The following DZANK1 variants were observed in gnomAD, a reference collection of about 807,000 sequenced individuals.
DZANK1 encodes the protein double zinc ribbon and ankyrin repeat domains 1, also known as double zinc ribbon and ankyrin repeat-containing protein 1.
DZANK1 carries 91 observed loss-of-function variants against 94.5 expected under a neutral mutation model. That is an observed-to-expected ratio of 0.96 (90% CI 0.81 to 1.15). The LOEUF (loss-of-function observed/expected upper bound fraction) is 1.15, where lower values mean the gene tolerates loss of function less well. DZANK1 is among the 50% of genes most tolerant of loss of function. DZANK1 has a pLI of 0.00. For synonymous variants in DZANK1, 312 were observed against 325.3 expected, an observed-to-expected ratio of 0.96 and a Z score of 0.44; for missense variants, 903 against 916.4, an observed-to-expected ratio of 0.99 and a Z score of 0.19.
In DZANK1 at chr20:18,452,747, G is replaced by T. The variant is rs768785389; in HGVS notation, c.476-65C>A. 1.3e-6 allele frequency: 2 copies of T among 1,552,182 alleles called. No individual in the cohort carries two copies. Among genetic ancestry groups the T allele is most frequent in the East Asian group, 2.4e-5 (1 of 42,172 alleles). On this transcript the variant is annotated intron_variant, in intron 5 of 20. Transcript: ENST00000262547. ...TTTCACCTACCTGGACGTCTACAAT[G>T]ATATTAAAAACATTATTCTTTGAGC...
intron 2 of DZANK1, among the ~76,000 whole-genome samples, 199 bp from the exon 3 acceptor site, chr20:18,460,505 G>A (rs1296403510): frequency 2.6e-5 from 4 of 152,138 alleles, no homozygotes; most frequent in Non-Finnish European, 2.9e-5. Context: ...CGAGGCGGGC[G>A]GATCACGAGG....
chr20:18,390,431 ACTTC>A lies in DZANK1; in HGVS notation c.1834_1837del (p.Glu612SerfsTer11). 1 of 1,613,924 alleles carries A rather than the reference ACTTC, an allele frequency of 6.2e-7. No homozygotes were observed. Among genetic ancestry groups the A allele is most frequent in the Non-Finnish European group, 8.5e-7 (1 of 1,179,822 alleles). On this transcript the variant is annotated frameshift_variant, in exon 18 of 21. Coordinates refer to ENST00000262547, the Ensembl canonical transcript of DZANK1. LOFTEE classifies it high-confidence loss of function. ...GACTCTTCCTTCCCCCGTGGGTCCG[ACTTC>A]CTTCAGCAGGAGTCTGTTTTCAGGC...
At position 18,449,063 on chromosome 20, in the gene DZANK1, CG is replaced by C. The variant is rs773000773; in HGVS notation, c.549del (p.Gly184ValfsTer5). ...TTCTGACCGCTTACGTGTGCAAAAC[CG>C]GGGGACTAAAATTAAGAATATAGGT... On this transcript the variant is annotated frameshift_variant, in exon 7 of 21. Transcript: ENST00000262547. LOFTEE classifies it high-confidence loss of function. The C allele has an allele frequency of 1.2e-6, 2 of 1,613,450 alleles. No individual in the cohort carries two copies. Among genetic ancestry groups the C allele is most frequent in the Non-Finnish European group, 8.5e-7 (1 of 1,179,694 alleles).
exon 21 of DZANK1, chr20:18,383,586 A>T (rs2048312443): frequency 6.6e-6 from 1 of 152,214 alleles, no homozygotes; most frequent in Admixed American, 6.5e-5. Flanking sequence ...GAGGGGAAAG[A>T]ATATATATGT....
intron 19 of DZANK1, among the ~76,000 whole-genome samples, chr20:18,386,819 A>G (rs568964850): frequency 6.6e-6 from 1 of 152,334 alleles, no homozygotes; most frequent in African/African-American, 2.4e-5. Flanking sequence ...GGTGAATCAA[A>G]AACAGCACAT....
intron 5 of DZANK1, among the ~76,000 whole-genome samples, 198 bp from the exon 6 acceptor site, chr20:18,452,937 G>A (rs1240019474): frequency 6.6e-6 from 1 of 152,166 alleles, no homozygotes; most frequent in African/African-American, 2.4e-5. Flanking sequence ...AGCCCAGACT[G>A]AGAAGATCAT....
rs75898058 is a variant in DZANK1 at position 18,410,904 on chromosome 20, T to C, written c.1432+1742A>G. 7.3e-3 allele frequency among the ~76,000 whole-genome samples: 1,115 copies of C among 152,304 alleles called. 15 individuals carry two copies. The highest frequency in any genetic ancestry group is 0.026 in the African/African-American group (1,078 of 41,550). On this transcript the variant is annotated intron_variant, in intron 13 of 20. Transcript: ENST00000262547. ...AGGTCAAGGCTGCAGTGTGCCATGA[T>C]TGTGCCACCGCACTCCAGCCTGGGT...
At chr20:18,384,384 G>T in exon 21 of DZANK1, 2 of 1,603,296 alleles carry the variant, frequency 1.2e-6, no homozygotes, top group Non-Finnish European at 1.7e-6. Context: ...ATGAAGTCCC[G>T]TGGAGGCCTC....
chr20:18,431,837 T>C (rs896797031), intron 9 of DZANK1, among the ~76,000 whole-genome samples: 3 of 152,196 alleles, frequency 2.0e-5, no homozygotes, highest in African/African-American at 7.2e-5. Context: ...ACCAAACTCC[T>C]TGCAAAGTTT....
chr20:18,428,150 CA>C (rs771686647), intron 9 of DZANK1, among the ~76,000 whole-genome samples: 181 of 103,344 alleles, frequency 1.8e-3, no homozygotes, highest in East Asian at 2.9e-3. Context: ...GACTCCGTCT[CA>C]AAAAAAAAAA....
At chr20:18,462,028 TTTTC>T (rs1347398303) in intron 2 of DZANK1, among the ~76,000 whole-genome samples, 1 of 152,100 alleles carries the variant, frequency 6.6e-6, no homozygotes, top group African/African-American at 2.4e-5. Flanking sequence ...TGTTATCCAT[TTTTC>T]TTTTAGTTTT....
At chr20:18,440,678 G>T (rs145082380) in intron 8 of DZANK1, among the ~76,000 whole-genome samples, 42 of 152,242 alleles carry the variant, frequency 2.8e-4, no homozygotes, top group African/African-American at 9.4e-4. Flanking sequence ...CCCAGGTGAG[G>T]TTATCACAAA....
intron 19 of DZANK1, among the ~76,000 whole-genome samples, chr20:18,386,479 G>A (rs2148121107): frequency 6.6e-6 from 1 of 152,210 alleles, no homozygotes; most frequent in East Asian, 1.9e-4. Flanking sequence ...AATGAGTCAA[G>A]ATAATATTGC....
chr20:18,426,357 G>T (rs528077984), intron 10 of DZANK1, among the ~76,000 whole-genome samples: 1 of 152,240 alleles, frequency 6.6e-6, no homozygotes, highest in African/African-American at 2.4e-5. Context: ...TGCCAAAAAG[G>T]TTGGGGACCG....
intron 7 of DZANK1, among the ~76,000 whole-genome samples, chr20:18,445,313 A>G (rs1352788931): frequency 2.0e-5 from 3 of 152,240 alleles, no homozygotes; most frequent in Non-Finnish European, 4.4e-5. Context: ...TATGTACTTA[A>G]TAGCAGAGTA....
At chr20:18,391,132 A>G (rs1411823492) in intron 17 of DZANK1, among the ~76,000 whole-genome samples, 1 of 152,224 alleles carries the variant, frequency 6.6e-6, no homozygotes, top group Non-Finnish European at 1.5e-5. Flanking sequence ...CAGAGGTTGC[A>G]GTGAGCGGAG....
chr20:18,421,706 C>T (rs927802438), intron 10 of DZANK1, among the ~76,000 whole-genome samples: 1 of 152,290 alleles, frequency 6.6e-6, no homozygotes, highest in Admixed American at 6.5e-5. Flanking sequence ...ATGTACTAGG[C>T]ATCCAGGAAT....
intron 1 of DZANK1, among the ~76,000 whole-genome samples, chr20:18,466,111 G>C (rs2059640722): frequency 6.6e-6 from 1 of 152,112 alleles, no homozygotes; most frequent in South Asian, 2.1e-4. Context: ...TGCACAGAAG[G>C]TTTCAGGGGG....
rs751697961 is a variant in DZANK1 at position 18,389,684 on chromosome 20, C to T, written c.2018+17G>A. 1.2e-6 allele frequency: 2 copies of T among 1,613,124 alleles called. No individual in the cohort carries two copies. Among genetic ancestry groups the T allele is most frequent in the African/African-American group, 1.3e-5 (1 of 74,910 alleles). Reference sequence around the variant, plus strand: ...CCTGCTGCTACCTTAGCTCTCCTTTCAATGTGTTTCACTTACGGCCCCCAC... The same window carrying T: ...CCTGCTGCTACCTTAGCTCTCCTTTTAATGTGTTTCACTTACGGCCCCCAC... On this transcript the variant is annotated intron_variant, in intron 19 of 20. Coordinates refer to ENST00000262547, the Ensembl canonical transcript of DZANK1.
Sources: allele counts gnomAD v4.1 joint callset (sites outside exome capture counted in the v4.1 genomes callset), GRCh38; gene constraint gnomAD v4.1.1; transcripts MANE v1.5; gene names NCBI Gene and HGNC (gene_info 2026-07-23, HGNC 2026-07-21).